The following MINAR1 variants were observed in gnomAD, a reference collection of about 807,000 sequenced individuals.
MINAR1 encodes membrane integral NOTCH2 associated receptor 1.
In MINAR1, 40 loss-of-function variants were observed where a neutral mutation model predicts 65.1. The ratio of observed to expected loss-of-function variants is 0.61; its 90% CI spans 0.48 to 0.80. The LOEUF is 0.80. Ranked by LOEUF, MINAR1 falls within the 30% of genes least tolerant of loss-of-function variation. The pLI is 0.00. For missense variants in MINAR1, 1,128 were observed against 1,148.0 expected (o/e 0.98, Z 0.25); for synonymous variants, 482 against 449.1 (o/e 1.07, Z -0.93).
intron 1 of MINAR1, among the ~76,000 whole-genome samples, chr15:79,448,331 A>AT (rs961693865): frequency 3.3e-5 from 5 of 152,130 alleles, no homozygotes; most frequent in African/African-American, 7.2e-5. Flanking sequence ...CTCTTTAGCA[A>AT]TTTTTTTGTG....
chr15:79,468,056 G>A, intron 3 of MINAR1, 131 bp from the exon 4 acceptor site: 3 of 686,704 alleles, frequency 4.4e-6, no homozygotes, highest in Non-Finnish European at 5.0e-6. Flanking sequence ...TGGTGGGGCA[G>A]TGTTATGCAA....
intron 1 of MINAR1, among the ~76,000 whole-genome samples, chr15:79,433,114 C>G (rs1435766869): frequency 6.6e-6 from 1 of 152,214 alleles, no homozygotes; most frequent in African/African-American, 2.4e-5. Flanking sequence ...GGGCCTGGCC[C>G]GCGGGGAGCG....
At chr15:79,463,032 G>A (rs1424754439) in intron 2 of MINAR1, 35 bp from the exon 3 acceptor site, 3 of 1,585,732 alleles carry the variant, frequency 1.9e-6, no homozygotes, top group Non-Finnish European at 2.6e-6. Flanking sequence ...GGGCAACTGT[G>A]CCACTTGTCT....
At chr15:79,467,581 T>A (rs1297341719) in intron 3 of MINAR1, among the ~76,000 whole-genome samples, 1 of 152,174 alleles carries the variant, frequency 6.6e-6, no homozygotes, top group Non-Finnish European at 1.5e-5. Context: ...CCAAGGCAGG[T>A]CTAGGGTGGG....
chr15:79,452,681 G>GGT (rs879444304), intron 1 of MINAR1, among the ~76,000 whole-genome samples: 12 of 135,404 alleles, frequency 8.9e-5, no homozygotes, highest in African/African-American at 8.2e-5. Context: ...TATGAGTCTG[G>GGT]GTGTGTGTGT....
chr15:79,470,650 C>A lies in MINAR1; in HGVS notation c.*2266C>A, dbSNP rs1276617835. On this transcript the variant is annotated 3_prime_UTR_variant, in exon 4 of 4. Coordinates refer to ENST00000305428, the MANE Select transcript of MINAR1 (RefSeq NM_015206.3). ...CCTCAGGCTTGGAAATGAAAGGATTCTATAGAATATTCTATACTTTCCATA... is the reference window on the plus strand; with the variant it reads ...CCTCAGGCTTGGAAATGAAAGGATTATATAGAATATTCTATACTTTCCATA... 1 of 152,198 alleles carries A rather than the reference C, an allele frequency of 6.6e-6. No homozygotes were observed. The highest frequency in any genetic ancestry group is 1.5e-5 in the Non-Finnish European group (1 of 68,046). The allele number at this position is 152,198 out of a possible 1,614,324, so 9.4% of individuals were successfully genotyped here.
At chr15:79,433,952 T>C (rs1174560639) in intron 1 of MINAR1, among the ~76,000 whole-genome samples, 1 of 152,172 alleles carries the variant, frequency 6.6e-6, no homozygotes, top group Non-Finnish European at 1.5e-5. Context: ...GGTTTTCCTC[T>C]TGTGTATCAG....
the MINAR1 span, chr15:79,422,588 A>G: frequency 6.6e-6 from 1 of 152,056 alleles, no homozygotes; most frequent in African/African-American, 2.4e-5. Context: ...CAGAGACAAT[A>G]TCACTCAGAA....
chr15:79,458,519 A>G (rs992583472), intron 2 of MINAR1, 74 bp downstream of exon 2: 13 of 1,527,612 alleles, frequency 8.5e-6, no homozygotes, highest in African/African-American at 2.8e-5. Flanking sequence ...AGCCTTGAAC[A>G]TGGCGTTAAA....
chr15:79,445,608 G>T (rs1024826453), intron 1 of MINAR1, among the ~76,000 whole-genome samples: 3 of 148,082 alleles, frequency 2.0e-5, no homozygotes, highest in African/African-American at 5.0e-5. Flanking sequence ...GAGTGCAGTG[G>T]CATGATCTTG....
chr15:79,449,510 A>AGC (rs146245185), intron 1 of MINAR1, among the ~76,000 whole-genome samples: 43,484 of 152,010 alleles, frequency 0.29, 7,313 homozygotes, highest in African/African-American at 0.48. Flanking sequence ...ATCTTCACAT[A>AGC]ACAAAAGGGC....
chr15:79,431,304 T>C (rs1237275771), upstream of MINAR1, among the ~76,000 whole-genome samples: 1 of 152,142 alleles, frequency 6.6e-6, no homozygotes, highest in African/African-American at 2.4e-5. Flanking sequence ...GGATGCAAAG[T>C]GCTGTTAACG....
chr15:79,454,148 G>A (rs1313630873), intron 1 of MINAR1, among the ~76,000 whole-genome samples: 1 of 152,196 alleles, frequency 6.6e-6, no homozygotes, highest in Non-Finnish European at 1.5e-5. Flanking sequence ...GGAAGGCTGG[G>A]GCGGGGTGGG....
At chr15:79,433,076 A>G (rs553635139) in intron 1 of MINAR1, among the ~76,000 whole-genome samples, 8 of 152,204 alleles carry the variant, frequency 5.3e-5, no homozygotes, top group Admixed American at 1.3e-4. Flanking sequence ...AGGATGCTCA[A>G]CTTCACCTGT....
chr15:79,429,498 G>A (rs181136426), upstream of MINAR1, among the ~76,000 whole-genome samples: 22 of 152,168 alleles, frequency 1.4e-4, no homozygotes, highest in African/African-American at 4.8e-4. Context: ...GTGAAATTTC[G>A]GATCTGAGTG....
intron 1 of MINAR1, among the ~76,000 whole-genome samples, chr15:79,443,687 G>C (rs1894934417): frequency 6.6e-6 from 1 of 152,022 alleles, no homozygotes; most frequent in Non-Finnish European, 1.5e-5. Context: ...ATTCATATTA[G>C]CTGTTGTATA....
At chr15:79,444,066 G>A (rs532483777) in intron 1 of MINAR1, among the ~76,000 whole-genome samples, 3 of 152,164 alleles carry the variant, frequency 2.0e-5, no homozygotes, top group Non-Finnish European at 4.4e-5. Flanking sequence ...TGTAACGTGA[G>A]CTCTAGACTT....
intron 3 of MINAR1, among the ~76,000 whole-genome samples, chr15:79,467,327 G>A (rs758027130): frequency 1.8e-4 from 27 of 152,200 alleles, no homozygotes; most frequent in South Asian, 8.3e-4. Context: ...ACCTCACTTC[G>A]AATTGCAATG....
chr15:79,459,202 T>C (rs542428139), intron 2 of MINAR1, among the ~76,000 whole-genome samples: 1 of 152,248 alleles, frequency 6.6e-6, no homozygotes, highest in South Asian at 2.1e-4. Context: ...AAGAAAGTCA[T>C]TCATAGTTCC....
Sources: gnomAD v4.1 joint callset for allele counts (sites outside exome capture counted in the v4.1 genomes callset) on GRCh38, gnomAD v4.1.1 for gene constraint, MANE v1.5 for transcripts, NCBI Gene and HGNC (gene_info 2026-07-23, HGNC 2026-07-21) for gene names.